The following SLC25A13 variants were observed in gnomAD, a reference collection of about 807,000 sequenced individuals.
SLC25A13 encodes electrogenic aspartate/glutamate antiporter SLC25A13, mitochondrial.
Under a neutral mutation model 85.5 loss-of-function variants are expected in SLC25A13, and 70 were observed. The observed-to-expected ratio is 0.82, with a 90% confidence interval of 0.68 to 1.00. The LOEUF is 1.00. SLC25A13 is among the 50% of genes least tolerant of loss of function. The pLI is 0.00. For synonymous variants in SLC25A13, 259 were observed against 288.7 expected (o/e 0.90, Z 1.04); for missense variants, 765 against 819.8 (o/e 0.93, Z 0.82).
rs544622232 is a variant in SLC25A13 at position 96,176,113 on chromosome 7, C to G, written c.1178-4589G>C. Among the ~76,000 whole-genome samples, 2 of 152,350 alleles carry G rather than the reference C, an allele frequency of 1.3e-5. 1 individual carries two copies. The highest frequency in any genetic ancestry group is 4.8e-5 in the African/African-American group (2 of 41,586). On this transcript the variant is annotated intron_variant, in intron 11 of 17. Transcript: ENST00000265631. ...AAGTCAAAGAGGTGGGAATTCCAAA[C>G]TCCCTCCTTGTACCTTGACCTCAGA...
At chr7:96,263,903 T>A (rs1797947714) in intron 3 of SLC25A13, among the ~76,000 whole-genome samples, 1 of 152,110 alleles carries the variant, frequency 6.6e-6, no homozygotes, top group South Asian at 2.1e-4. Context: ...TATATTCTAG[T>A]CTTCCTGTTC....
intron 3 of SLC25A13, among the ~76,000 whole-genome samples, chr7:96,242,400 A>G (rs768038014): frequency 2.2e-4 from 34 of 152,202 alleles, no homozygotes; most frequent in Non-Finnish European, 4.6e-4. Flanking sequence ...GCAAATACAC[A>G]TTATTCAGGC....
At chr7:96,227,152 G>A (rs985499281) in intron 4 of SLC25A13, among the ~76,000 whole-genome samples, 2 of 151,898 alleles carry the variant, frequency 1.3e-5, no homozygotes, top group East Asian at 1.9e-4. Flanking sequence ...TTCATCCTTG[G>A]CAGTAGTCCT....
At chr7:96,244,596 C>G (rs1562873336) in intron 3 of SLC25A13, among the ~76,000 whole-genome samples, 1 of 152,144 alleles carries the variant, frequency 6.6e-6, no homozygotes, top group African/African-American at 2.4e-5. Context: ...TTCTCGGATG[C>G]CTTTCATTCT....
chr7:96,178,219 G>A (rs957856250), intron 11 of SLC25A13, among the ~76,000 whole-genome samples: 1 of 152,198 alleles, frequency 6.6e-6, no homozygotes, highest in Non-Finnish European at 1.5e-5. Flanking sequence ...TCAGGAGTGG[G>A]TTGAAGCCAC....
chr7:96,303,271 A>G (rs1799619632), intron 1 of SLC25A13, among the ~76,000 whole-genome samples: 1 of 152,108 alleles, frequency 6.6e-6, no homozygotes, highest in Non-Finnish European at 1.5e-5. Flanking sequence ...AAATTCTACT[A>G]TCATAAAGTA....
intron 14 of SLC25A13, among the ~76,000 whole-genome samples, chr7:96,135,020 G>C (rs1316040330): frequency 6.6e-6 from 1 of 151,938 alleles, no homozygotes; most frequent in Admixed American, 6.6e-5. Flanking sequence ...CTTCCACCTG[G>C]TGTGATCATC....
chr7:96,302,293 C>G (rs1349047098), intron 1 of SLC25A13, among the ~76,000 whole-genome samples: 1 of 152,096 alleles, frequency 6.6e-6, no homozygotes, highest in African/African-American at 2.4e-5. Context: ...AATTCACTCT[C>G]CTAATATGAG....
chr7:96,289,962 A>T (rs1486896112), intron 2 of SLC25A13, among the ~76,000 whole-genome samples: 1 of 152,194 alleles, frequency 6.6e-6, no homozygotes, highest in African/African-American at 2.4e-5. Flanking sequence ...TAACTGTCAG[A>T]TTCACCAAAG....
intron 13 of SLC25A13, chr7:96,167,097 A>T (rs1157780222): frequency 6.6e-6 from 1 of 152,262 alleles, no homozygotes. Flanking sequence ...AACATGCTGA[A>T]TATATCACTA....
rs528247590 is a variant in SLC25A13, at chr7:96,135,537, A to C, written c.1453-3656T>G. 2.0e-5 allele frequency among the ~76,000 whole-genome samples: 3 copies of C among 152,352 alleles called. No homozygotes were observed. In the South Asian group the frequency reaches 6.2e-4, roughly 32 times the overall value. ...AAAAAGACTTAAAGTTCTAAGGGGG[A>C]AAATGTTTCTCTCCCAGATTCCTTG... On this transcript the variant is annotated intron_variant, in intron 14 of 17. Transcript: ENST00000265631.
intron 1 of SLC25A13, among the ~76,000 whole-genome samples, chr7:96,311,062 A>G (rs1026357195): frequency 6.6e-6 from 1 of 152,224 alleles, no homozygotes; most frequent in African/African-American, 2.4e-5. Context: ...ATATATACTC[A>G]TATATAGACA....
At chr7:96,277,385 C>T (rs1410002341) in intron 2 of SLC25A13, 47 bp from the exon 3 acceptor site, 1 of 1,540,584 alleles carries the variant, frequency 6.5e-7, no homozygotes, top group Admixed American at 1.7e-5. Context: ...TGATTTTCAA[C>T]AGTATATAAT....
intron 2 of SLC25A13, 24 bp from the exon 3 acceptor site, chr7:96,277,362 T>C: frequency 1.3e-6 from 2 of 1,587,776 alleles, no homozygotes; most frequent in Non-Finnish European, 1.7e-6. Context: ...AGAAAAACAG[T>C]ATTTTATATA....
intron 5 of SLC25A13, among the ~76,000 whole-genome samples, chr7:96,198,798 A>C (rs1795153709): frequency 6.6e-6 from 1 of 152,242 alleles, no homozygotes; most frequent in Admixed American, 6.5e-5. Context: ...ATGAAGTAAG[A>C]TATATCTCAA....
intron 13 of SLC25A13, among the ~76,000 whole-genome samples, chr7:96,151,148 A>T (rs1793027319): frequency 6.6e-6 from 1 of 152,210 alleles, no homozygotes; most frequent in African/African-American, 2.4e-5. Context: ...TGACAAGGGC[A>T]TATCACACTT....
chr7:96,211,007 G>T (rs886245860), intron 4 of SLC25A13, among the ~76,000 whole-genome samples: 1 of 152,090 alleles, frequency 6.6e-6, no homozygotes, highest in Admixed American at 6.6e-5. Flanking sequence ...GAAAGTAACA[G>T]AAGGTTTTTA....
intron 2 of SLC25A13, among the ~76,000 whole-genome samples, chr7:96,282,189 C>T (rs116826824): frequency 0.017 from 2,549 of 152,132 alleles, 35 homozygotes; most frequent in African/African-American, 0.042. Flanking sequence ...TTGTATAATA[C>T]TTATTGTCAT....
chr7:96,169,988 A>G, intron 13 of SLC25A13, 57 bp downstream of exon 13: 1 of 1,499,704 alleles, frequency 6.7e-7, no homozygotes, highest in Non-Finnish European at 9.3e-7. Context: ...TGACCATGGT[A>G]GTGATATATA....
Sources: allele counts gnomAD v4.1 joint callset (sites outside exome capture counted in the v4.1 genomes callset), GRCh38; gene constraint gnomAD v4.1.1; transcripts MANE v1.5; gene names NCBI Gene and HGNC (gene_info 2026-07-23, HGNC 2026-07-21).